DDX24: variants seen among roughly 807,000 people sequenced by gnomAD.
DDX24 encodes ATP-dependent RNA helicase DDX24.
Under a neutral mutation model 68.9 loss-of-function variants are expected in DDX24, and 24 were observed. That is an observed-to-expected ratio of 0.35 (90% CI 0.25 to 0.49). The LOEUF is 0.49. DDX24 is among the 20% of genes least tolerant of loss of function. The pLI is 0.99. For missense variants in DDX24, 989 were observed against 1,039.0 expected, an observed-to-expected ratio of 0.95 and a Z score of 0.66; for synonymous variants, 395 against 385.2, an observed-to-expected ratio of 1.03 and a Z score of -0.30.
intron 7 of DDX24, chr14:94,053,347 C>T: frequency 2.8e-6 from 1 of 358,390 alleles, no homozygotes; most frequent in Non-Finnish European, 4.9e-6. Flanking sequence ...ACCACCATGC[C>T]TAGGTAATTT....
chr14:94,053,750 G>T (rs1486647708), intron 7 of DDX24, among the ~76,000 whole-genome samples: 1 of 152,138 alleles, frequency 6.6e-6, no homozygotes, highest in Admixed American at 6.5e-5. Context: ...GGAGGCGAAG[G>T]TTGTGGTGAG....
At chr14:94,063,920 AC>A (rs1436915978) in intron 2 of DDX24, among the ~76,000 whole-genome samples, 2 of 152,226 alleles carry the variant, frequency 1.3e-5, no homozygotes, top group Non-Finnish European at 2.9e-5. Flanking sequence ...AAACAAAAAA[AC>A]AAAACCCCTT....
At chr14:94,060,038 G>C in intron 5 of DDX24, 60 bp downstream of exon 5, 2 of 1,529,316 alleles carry the variant, frequency 1.3e-6, no homozygotes, top group South Asian at 1.3e-5. Context: ...CCACCATCCT[G>C]ACCCCTTTTA....
intron 5 of DDX24, among the ~76,000 whole-genome samples, chr14:94,058,801 A>G (rs758132255): frequency 2.6e-5 from 4 of 152,216 alleles, no homozygotes; most frequent in Non-Finnish European, 5.9e-5. Context: ...AGGTCAGCAA[A>G]CTTTTTCTGT....
chr14:94,054,868 T>C, intron 7 of DDX24, 128 bp downstream of exon 7: 1 of 1,085,218 alleles, frequency 9.2e-7, no homozygotes. Flanking sequence ...ACAAGTCTCC[T>C]TGTTCAGCTG....
chr14:94,048,924 TCC>T lies in DDX24; in HGVS notation c.*2265_*2266del, dbSNP rs1885335877. The T allele has an allele frequency of 6.6e-6, 1 of 152,258 alleles. No individual in the cohort carries two copies. Among genetic ancestry groups the T allele is most frequent in the East Asian group, 1.9e-4 (1 of 5,200 alleles). The allele number at this position is 152,258 out of a possible 1,614,324, so 9.4% of individuals were successfully genotyped here. A position where few individuals can be genotyped will look rare whatever the true frequency, so the allele number is the denominator to read the frequency against. ...ACATTCTCCTAGCATTAAAATGGTTTCCATAACTACTTTTGTCCTGGCTTCTT... is the reference window on the plus strand; with the variant it reads ...ACATTCTCCTAGCATTAAAATGGTTTATAACTACTTTTGTCCTGGCTTCTT... On this transcript the variant is annotated 3_prime_UTR_variant, in exon 9 of 9. Coordinates refer to ENST00000621632, the MANE Select transcript of DDX24 (RefSeq NM_020414.4).
intron 2 of DDX24, among the ~76,000 whole-genome samples, chr14:94,072,587 T>TA (rs1478575526): frequency 1.3e-5 from 2 of 152,206 alleles, no homozygotes; most frequent in African/African-American, 2.4e-5. Flanking sequence ...CCCAACACTT[T>TA]GGGAGGCCGA....
chr14:94,063,857 C>T (rs758282495), intron 2 of DDX24, among the ~76,000 whole-genome samples: 1 of 152,172 alleles, frequency 6.6e-6, no homozygotes, highest in East Asian at 1.9e-4. Context: ...GAGCCATGAT[C>T]GTGCCACTGC....
intron 1 of DDX24, among the ~76,000 whole-genome samples, chr14:94,080,630 G>A (rs1886056328): frequency 1.3e-5 from 2 of 152,078 alleles, no homozygotes; most frequent in Admixed American, 1.3e-4. Context: ...AAAAACCGCT[G>A]AGCATGGCGC....
At chr14:94,072,999 TATCA>T (rs1019705135) in intron 2 of DDX24, among the ~76,000 whole-genome samples, 1 of 133,824 alleles carries the variant, frequency 7.5e-6, no homozygotes, top group Non-Finnish European at 1.7e-5. Flanking sequence ...TCAGGTATGC[TATCA>T]GTCAAAAAAT....
At chr14:94,065,655 C>A (rs915611969) in intron 2 of DDX24, among the ~76,000 whole-genome samples, 1 of 152,124 alleles carries the variant, frequency 6.6e-6, no homozygotes, top group African/African-American at 2.4e-5. Context: ...CCAGCAGGAC[C>A]CAGGAGACCC....
Position 94,062,384 on chromosome 14 carries a change from G to A in DDX24, c.956C>T (p.Ala319Val). The A allele has an allele frequency of 6.2e-7, 1 of 1,614,162 alleles. No homozygotes were observed. The highest frequency in any genetic ancestry group is 8.5e-7 in the Non-Finnish European group (1 of 1,180,034). Residue 319 changes from alanine to valine, a missense_variant, in exon 3 of 9, where the codon GCC becomes GTC. Ala to Val is a moderately conservative substitution (Grantham distance 64). Coordinates refer to ENST00000621632, the MANE Select transcript of DDX24 (RefSeq NM_020414.4). ...LPSDIAAEARAKTGGTVSDQA... is the reference protein window; with the variant it reads ...LPSDIAAEARVKTGGTVSDQA... ...GTCTGAGACAGTGCCTCCAGTCTTG[G>A]CTCTGGCCTCGGCTGCAATATCACT...
Position 94,060,619 on chromosome 14 carries a change from G to A in DDX24, c.1398-6C>T. ...CCTCATCCACTACCAGGCACCTGCA[G>A]ATCCAGAGAGACCCATATCATTGGT... On this transcript the variant is annotated splice_polypyrimidine_tract_variant and splice_region_variant and intron_variant, in intron 4 of 8. Transcript: ENST00000621632. 1 of 1,611,298 alleles carries A rather than the reference G, an allele frequency of 6.2e-7. No homozygotes were observed. The highest frequency in any genetic ancestry group is 2.2e-5 in the East Asian group (1 of 44,834).
At chr14:94,065,273 CTA>C (rs2141429042) in intron 2 of DDX24, among the ~76,000 whole-genome samples, 1 of 151,898 alleles carries the variant, frequency 6.6e-6, no homozygotes, top group Admixed American at 6.5e-5. Context: ...AGGATGGTCT[CTA>C]TCTCTTCACC....
At chr14:94,070,025 A>C (rs1237798519) in intron 2 of DDX24, among the ~76,000 whole-genome samples, 1 of 152,190 alleles carries the variant, frequency 6.6e-6, no homozygotes, top group Non-Finnish European at 1.5e-5. Context: ...CAATAAGACA[A>C]GAGAAAAAAA....
At chr14:94,068,202 G>A (rs1389753169) in intron 2 of DDX24, among the ~76,000 whole-genome samples, 2 of 152,142 alleles carry the variant, frequency 1.3e-5, no homozygotes, top group Non-Finnish European at 2.9e-5. Context: ...AAAGCAAGTA[G>A]GGGTAGCTAT....
chr14:94,078,884 G>A, intron 2 of DDX24, 141 bp downstream of exon 2: 1 of 881,200 alleles, frequency 1.1e-6, no homozygotes, highest in Non-Finnish European at 1.8e-6. Flanking sequence ...AAACCAGAGG[G>A]GCTGACTTCT....
intron 7 of DDX24, 149 bp downstream of exon 7, chr14:94,054,847 C>T: frequency 6.4e-6 from 6 of 944,168 alleles, no homozygotes; most frequent in Non-Finnish European, 9.7e-6. Context: ...ATGTTGCTCT[C>T]AATCCTTTCT....
intron 2 of DDX24, among the ~76,000 whole-genome samples, chr14:94,065,384 G>C (rs529574156): frequency 1.2e-4 from 18 of 147,262 alleles, no homozygotes; most frequent in Admixed American, 2.0e-4. Flanking sequence ...CTCTCTCTCT[G>C]ACACACACAC....
Sources: gnomAD v4.1 joint callset for allele counts (sites outside exome capture counted in the v4.1 genomes callset) on GRCh38, gnomAD v4.1.1 for gene constraint, MANE v1.5 for transcripts, NCBI Gene and HGNC (gene_info 2026-07-23, HGNC 2026-07-21) for gene names.